The following CPAMD8 variants were observed in gnomAD, a reference collection of about 807,000 sequenced individuals.
CPAMD8 encodes C3 and PZP like alpha-2-macroglobulin domain containing 8.
CPAMD8 carries 146 observed loss-of-function variants against 224.7 expected under a neutral mutation model. That is an observed-to-expected ratio of 0.65 (90% CI 0.57 to 0.75). The LOEUF is 0.75. CPAMD8 is among the 30% of genes least tolerant of loss of function. The probability of loss-of-function intolerance (pLI) is 0.00; values close to 1 mark genes in which losing one functional copy is unlikely to be tolerated. For synonymous variants in CPAMD8, 966 were observed against 1,044.6 expected (o/e 0.92, Z 1.45); for missense variants, 2,301 against 2,537.5 (o/e 0.91, Z 2.00).
At chr19:16,957,387 G>T (rs2054506890) in intron 19 of CPAMD8, among the ~76,000 whole-genome samples, 1 of 152,198 alleles carries the variant, frequency 6.6e-6, no homozygotes, top group South Asian at 2.1e-4. Flanking sequence ...AAAGTCAATT[G>T]CATCCAGCAG....
intron 8 of CPAMD8, among the ~76,000 whole-genome samples, chr19:17,003,602 G>A (rs913398323): frequency 2.6e-5 from 4 of 151,278 alleles, no homozygotes; most frequent in Non-Finnish European, 2.9e-5. Flanking sequence ...GCAACATGAC[G>A]AAACCCTGTC....
intron 2 of CPAMD8, among the ~76,000 whole-genome samples, chr19:17,020,588 C>G (rs1256772589): frequency 6.6e-6 from 1 of 152,100 alleles, no homozygotes; most frequent in Non-Finnish European, 1.5e-5. Flanking sequence ...CTGAGCTATT[C>G]AGGGCAAAGC....
chr19:17,022,507 T>C (rs980538206), intron 1 of CPAMD8, among the ~76,000 whole-genome samples: 2 of 151,592 alleles, frequency 1.3e-5, no homozygotes, highest in African/African-American at 2.4e-5. Flanking sequence ...TTTTTTTTTT[T>C]CTTTTCCTGG....
intron 23 of CPAMD8, 149 bp downstream of exon 23, chr19:16,938,246 C>A (rs1599737810): frequency 1.9e-6 from 1 of 532,950 alleles, no homozygotes; most frequent in East Asian, 3.5e-5. Context: ...GGACATCGTT[C>A]TTCCTAAACC....
At chr19:16,981,692 G>T (rs1351802097) in intron 13 of CPAMD8, among the ~76,000 whole-genome samples, 4 of 152,182 alleles carry the variant, frequency 2.6e-5, no homozygotes, top group Non-Finnish European at 5.9e-5. Flanking sequence ...CTTTGCCCTA[G>T]GAATCCCGCC....
intron 12 of CPAMD8, among the ~76,000 whole-genome samples, chr19:16,990,446 A>G (rs1287383280): frequency 2.0e-5 from 3 of 151,996 alleles, no homozygotes; most frequent in Non-Finnish European, 4.4e-5. Flanking sequence ...AGACTCAGCT[A>G]CTAGGGGAGG....
In CPAMD8 at chr19:17,008,500, C is replaced by A. The variant is rs1412417911; in HGVS notation, c.559+5G>T. 6.2e-7 allele frequency: 1 copy of A among 1,612,696 alleles called. No homozygotes were observed. Among genetic ancestry groups the A allele is most frequent in the Admixed American group, 1.7e-5 (1 of 60,018 alleles). On this transcript the variant is annotated splice_donor_5th_base_variant and intron_variant, in intron 7 of 41. Transcript: ENST00000443236. ...AGCCCCCAAGCCGCAGAGGAAGAAA[C>A]TTACCGCAGCAGAACGGCTTTAAGT...
chr19:17,004,252 C>T (rs2056420168), intron 8 of CPAMD8, 21 bp downstream of exon 8: 1 of 1,506,274 alleles, frequency 6.6e-7, no homozygotes, highest in Admixed American at 1.7e-5. Flanking sequence ...AATCCCAAGA[C>T]CCTGAGATTC....
intron 35 of CPAMD8, 86 bp from the exon 36 acceptor site, chr19:16,901,383 C>G (rs1227731950): frequency 4.4e-6 from 4 of 906,494 alleles, no homozygotes; most frequent in South Asian, 4.3e-5. Context: ...GGAGCCCACA[C>G]AGCTGATGTC....
intron 25 of CPAMD8, among the ~76,000 whole-genome samples, chr19:16,927,233 G>T (rs2053395431): frequency 6.6e-6 from 1 of 152,024 alleles, no homozygotes; most frequent in South Asian, 2.1e-4. Flanking sequence ...AATTATGGGG[G>T]CGGCTTCCCC....
chr19:16,896,853 ATACT>A (rs1219879601), intron 39 of CPAMD8, 188 bp from the exon 40 acceptor site: 1 of 414,818 alleles, frequency 2.4e-6, no homozygotes, highest in Non-Finnish European at 4.2e-6. Flanking sequence ...TATTTGCCTA[ATACT>A]TACAAAAACA....
At chr19:17,008,658 T>C (rs1209840120) in intron 6 of CPAMD8, 99 bp from the exon 7 acceptor site, 1 of 1,315,508 alleles carries the variant, frequency 7.6e-7, no homozygotes, top group Non-Finnish European at 1.1e-6. Context: ...CTTGGGCATG[T>C]CAACCATGCA....
intron 13 of CPAMD8, among the ~76,000 whole-genome samples, chr19:16,987,527 T>C (rs1268509857): frequency 1.3e-5 from 2 of 152,142 alleles, no homozygotes; most frequent in East Asian, 1.9e-4. Context: ...GAAAATCTTA[T>C]GATTTTCTTA....
At chr19:16,970,253 A>AAAG (rs1555779876) in intron 18 of CPAMD8, among the ~76,000 whole-genome samples, 12 of 150,330 alleles carry the variant, frequency 8.0e-5, no homozygotes, top group South Asian at 2.1e-4. Flanking sequence ...AAAAAAAAAA[A>AAAG]AAAGAAAGAA....
intron 18 of CPAMD8, among the ~76,000 whole-genome samples, chr19:16,970,052 G>A (rs1276539652): frequency 6.7e-6 from 1 of 149,316 alleles, no homozygotes; most frequent in East Asian, 2.0e-4. Context: ...GGCTAACACA[G>A]TGAAACCCCG....
At chr19:16,934,831 T>C (rs1423595863) in intron 23 of CPAMD8, among the ~76,000 whole-genome samples, 2 of 152,188 alleles carry the variant, frequency 1.3e-5, no homozygotes, top group Non-Finnish European at 2.9e-5. Flanking sequence ...ATGTACCATC[T>C]TAACCATTTT....
chr19:16,952,000 C>A lies in CPAMD8; in HGVS notation c.2477G>T (p.Ser826Ile). The change falls in exon 20 of 42, where the codon AGT becomes ATT. Residue 826 changes from serine to isoleucine, a missense_variant. Coordinates refer to ENST00000443236, the MANE Select transcript of CPAMD8 (RefSeq NM_015692.5). The stretch of plus-strand genomic sequence containing the variant: ...GCAGGTGCCCATGTAGTTGTAGACA[C>A]TGAGCGGGATCTTGACCTGCTCCCC... ...IRGEQVKIPL[S>I]VYNYMGTCAE... 1 of 1,581,490 alleles carries A rather than the reference C, an allele frequency of 6.3e-7. No homozygotes were observed. The highest frequency in any genetic ancestry group is 8.6e-7 in the Non-Finnish European group (1 of 1,162,574).
At chr19:17,019,346 T>C (rs781092436) in intron 3 of CPAMD8, among the ~76,000 whole-genome samples, 2 of 151,996 alleles carry the variant, frequency 1.3e-5, no homozygotes, top group Admixed American at 6.6e-5. Context: ...TGGTCTCAAA[T>C]TCCTGACCTC....
At chr19:16,957,402 G>C (rs1434770742) in intron 19 of CPAMD8, 1 of 154,574 alleles carries the variant, frequency 6.5e-6, no homozygotes, top group African/African-American at 2.4e-5. Flanking sequence ...CAGCAGAAAA[G>C]GGTTGCCTAC....
Sources: gnomAD v4.1 joint callset for allele counts (sites outside exome capture counted in the v4.1 genomes callset) on GRCh38, gnomAD v4.1.1 for gene constraint, MANE v1.5 for transcripts, NCBI Gene and HGNC (gene_info 2026-07-23, HGNC 2026-07-21) for gene names.